Variants in SLA2 observed in about 807,000 individuals in gnomAD.
SLA2 encodes src-like-adapter 2.
SLA2 carries 22 observed loss-of-function variants against 27.3 expected under a neutral mutation model. The observed-to-expected ratio is 0.81, with a 90% CI of 0.58 to 1.15. The LOEUF (loss-of-function observed/expected upper bound fraction) is 1.15. Among genes scored for constraint, SLA2 ranks in the 50% most tolerant of loss-of-function variants. The probability of loss-of-function intolerance (pLI) is 0.00; values close to 1 mark genes in which losing one functional copy is unlikely to be tolerated. For synonymous variants in SLA2, 131 were observed against 137.8 expected (o/e 0.95, Z 0.34); for missense variants, 304 against 322.2 (o/e 0.94, Z 0.43).
At chr20:36,617,178 C>A (rs998962558) in intron 5 of SLA2, among the ~76,000 whole-genome samples, 1 of 149,784 alleles carries the variant, frequency 6.7e-6, no homozygotes, top group African/African-American at 2.5e-5. Flanking sequence ...ACCAATGTGG[C>A]GAAACCCTGC....
At position 36,634,543 on chromosome 20, in the gene SLA2, A is replaced by G; in HGVS notation, c.138T>C (p.Gly46=). The change falls in exon 3 of 8, where the codon GGT becomes GGC. Residue 46 remains glycine (G), a synonymous_variant. Transcript: ENST00000262866. The stretch of plus-strand genomic sequence containing the variant: ...GTCTCAGCGACAGCTCGGCCGGGCC[A>G]CCTGCCGGGAAACTGCCCAGGGCCA... ...TAVALGSFPA[G]GPAELSLRLG... 1 of 1,611,546 alleles carries G rather than the reference A, an allele frequency of 6.2e-7. No individual in the cohort carries two copies. Among genetic ancestry groups the G allele is most frequent in the Non-Finnish European group, 8.5e-7 (1 of 1,178,598 alleles).
In SLA2 at chr20:36,634,537, C is replaced by G; in HGVS notation, c.144G>C (p.Pro48=). The change falls in exon 3 of 8, where the codon CCG becomes CCC. Residue 48 remains proline, a synonymous_variant. Transcript: ENST00000262866. ...VALGSFPAGG[P]AELSLRLGEP... is the part of the protein sequence containing the mutation. Reference sequence around the variant, plus strand: ...CCCCGAGTCTCAGCGACAGCTCGGCCGGGCCACCTGCCGGGAAACTGCCCA... The same window carrying G: ...CCCCGAGTCTCAGCGACAGCTCGGCGGGGCCACCTGCCGGGAAACTGCCCA... 2 of 1,611,534 alleles carry G rather than the reference C, an allele frequency of 1.2e-6. No individual in the cohort carries two copies. Among genetic ancestry groups the G allele is most frequent in the Non-Finnish European group, 1.7e-6 (2 of 1,178,604 alleles).
chr20:36,614,131 C>T (rs976029667), intron 7 of SLA2, 145 bp from the exon 8 acceptor site: 11 of 1,468,832 alleles, frequency 7.5e-6, no homozygotes, highest in Non-Finnish European at 1.0e-5. Context: ...ATCAGCTTCC[C>T]CAGCCCCACC....
rs577225842 is a variant in SLA2 at position 36,635,763 on chromosome 20, G to A, written c.92-1174C>T. On this transcript the variant is annotated intron_variant, in intron 2 of 7. Transcript: ENST00000262866. The stretch of plus-strand genomic sequence containing the variant: ...ATGAGAATGGGAAAATGTGGCCTGG[G>A]AGGGCCCCTTCCCCTCCTGGAAGCC... Among the ~76,000 whole-genome samples, 4 of 152,212 alleles carry A rather than the reference G, an allele frequency of 2.6e-5. No individual in the cohort carries two copies. The East Asian group carries it at 7.7e-4, about 29-fold the overall frequency.
In SLA2 at chr20:36,644,851, G is replaced by A. The variant is rs142230657; in HGVS notation, c.-44+986C>T. On this transcript the variant is annotated intron_variant, in intron 1 of 7. Transcript: ENST00000262866. ...AGTCAACGGCAGCCGAGATGAGCAC[G>A]CTGCCCAGAATATTGTGTTTTTTTT... 4.5e-3 allele frequency among the ~76,000 whole-genome samples: 665 copies of A among 148,162 alleles called. 6 individuals carry two copies. Among genetic ancestry groups the A allele is most frequent in the African/African-American group, 0.016 (628 of 40,138 alleles).
chr20:36,640,372 G>A (rs1441621931), intron 2 of SLA2, among the ~76,000 whole-genome samples: 1 of 151,994 alleles, frequency 6.6e-6, no homozygotes, highest in Non-Finnish European at 1.5e-5. Flanking sequence ...AGTACCTCTC[G>A]GGTCCACTAG....
intron 5 of SLA2, among the ~76,000 whole-genome samples, chr20:36,629,345 G>A (rs1260890121): frequency 6.6e-6 from 1 of 151,688 alleles, no homozygotes; most frequent in Admixed American, 6.6e-5. Context: ...GATCTTCATG[G>A]ATCCCGCTGG....
chr20:36,636,621 AAAATATATATATAT>A (rs1249298278), intron 2 of SLA2, among the ~76,000 whole-genome samples: 45 of 125,706 alleles, frequency 3.6e-4, no homozygotes, highest in African/African-American at 1.5e-3. Context: ...GAAAAAAAAA[AAAATATATATATAT>A]ATATATATAT....
intron 5 of SLA2, among the ~76,000 whole-genome samples, chr20:36,619,245 G>T (rs1464396057): frequency 1.4e-5 from 2 of 144,968 alleles, no homozygotes; most frequent in Non-Finnish European, 3.0e-5. Flanking sequence ...AAAAAAAAAG[G>T]CTGGGTGCGG....
intron 3 of SLA2, 77 bp from the exon 4 acceptor site, chr20:36,633,706 G>A: frequency 1.6e-6 from 2 of 1,268,664 alleles, no homozygotes; most frequent in South Asian, 1.2e-5. Context: ...GGGCTTGCAA[G>A]GACCCTCTCA....
At chr20:36,644,695 G>A (rs942060765) in intron 1 of SLA2, among the ~76,000 whole-genome samples, 1 of 152,186 alleles carries the variant, frequency 6.6e-6, no homozygotes, top group Admixed American at 6.6e-5. Flanking sequence ...GCCAGCCTAG[G>A]AGGAGGCAGA....
chr20:36,616,780 G>A (rs1024605296), intron 5 of SLA2, among the ~76,000 whole-genome samples: 8 of 152,282 alleles, frequency 5.3e-5, no homozygotes, highest in Non-Finnish European at 5.9e-5. Flanking sequence ...CCCGTGCCTG[G>A]CCATATAAGC....
chr20:36,638,343 G>C (rs1446476598), intron 2 of SLA2, among the ~76,000 whole-genome samples: 2 of 150,056 alleles, frequency 1.3e-5, no homozygotes, highest in Non-Finnish European at 3.0e-5. Context: ...GTTTTGTTTT[G>C]TTTGAGACAG....
chr20:36,624,228 C>A (rs768418766), intron 5 of SLA2, among the ~76,000 whole-genome samples: 1 of 152,162 alleles, frequency 6.6e-6, no homozygotes, highest in Non-Finnish European at 1.5e-5. Flanking sequence ...CAGGTCGTCT[C>A]ATGCCCCTAC....
chr20:36,637,879 G>A (rs934658075), intron 2 of SLA2, among the ~76,000 whole-genome samples: 7 of 144,020 alleles, frequency 4.9e-5, no homozygotes, highest in African/African-American at 1.8e-4. Flanking sequence ...GCCTGCCTCG[G>A]CCTCTTTTTT....
In SLA2 at chr20:36,636,283, C is replaced by T. The variant is rs1046902617; in HGVS notation, c.92-1694G>A. Among the ~76,000 whole-genome samples the T allele has an allele frequency of 2.0e-4, 30 of 150,110 alleles. 2 individuals are homozygous for T. Among genetic ancestry groups the T allele is most frequent in the African/African-American group, 5.5e-4 (22 of 39,810 alleles). ...ATACAAAAAAAAAATTAGCCGGGCG[C>T]GGTGGCGGGCGCCTGTAGTCCCAGC... On this transcript the variant is annotated intron_variant, in intron 2 of 7. Coordinates refer to ENST00000262866, the MANE Select transcript of SLA2 (RefSeq NM_032214.4).
Position 36,613,719 on chromosome 20 carries a change from A to G in SLA2, c.*147T>C, listed in dbSNP as rs2039169109. 2 of 961,822 alleles carry G rather than the reference A, an allele frequency of 2.1e-6. No homozygotes were observed. The highest frequency in any genetic ancestry group is 2.7e-5 in the Admixed American group (1 of 37,570). 59.6% of individuals were successfully genotyped at this position (961,822 alleles called of 1,614,324 possible). A position where few individuals can be genotyped will look rare whatever the true frequency, so the allele number is the denominator to read the frequency against. ...ACTTCTAAGGGCTAAGAGAGGAAAGAGCAAGGGTACAGGTGGGACCCTAGA... is the reference window on the plus strand; with the variant it reads ...ACTTCTAAGGGCTAAGAGAGGAAAGGGCAAGGGTACAGGTGGGACCCTAGA... On this transcript the variant is annotated 3_prime_UTR_variant, in exon 8 of 8. Transcript: ENST00000262866.
At chr20:36,619,077 A>T (rs142089737) in intron 5 of SLA2, among the ~76,000 whole-genome samples, 2,898 of 151,620 alleles carry the variant, frequency 0.019, 94 homozygotes, top group African/African-American at 0.066. Context: ...AATACAAAAA[A>T]ATTAGCCAGG....
chr20:36,636,516 A>G (rs1036366756), intron 2 of SLA2, among the ~76,000 whole-genome samples: 2 of 149,464 alleles, frequency 1.3e-5, no homozygotes, highest in Non-Finnish European at 3.0e-5. Context: ...GAAGCAGGAG[A>G]ATCACTTGAA....
Sources: allele counts gnomAD v4.1 joint callset (sites outside exome capture counted in the v4.1 genomes callset), GRCh38; gene constraint gnomAD v4.1.1; transcripts MANE v1.5; gene names NCBI Gene and HGNC (gene_info 2026-07-23, HGNC 2026-07-21).